The following PZP variants were observed in gnomAD, a reference collection of about 807,000 sequenced individuals.
PZP encodes the protein pregnancy zone protein.
PZP carries 150 observed loss-of-function variants against 179.8 expected under a neutral mutation model. That is an observed-to-expected ratio of 0.83 (90% CI 0.73 to 0.96). The LOEUF (loss-of-function observed/expected upper bound fraction) is 0.96. Among genes scored for constraint, PZP ranks in the 40% least tolerant of loss-of-function variants. PZP has a pLI of 0.00. For missense variants in PZP, 1,689 were observed against 1,764.0 expected, an observed-to-expected ratio of 0.96 and a Z score of 0.76; for synonymous variants, 624 against 652.3, an observed-to-expected ratio of 0.96 and a Z score of 0.66.
chr12:9,205,493 C>T (rs1354362042), intron 1 of PZP, among the ~76,000 whole-genome samples: 12 of 152,148 alleles, frequency 7.9e-5, no homozygotes, highest in Admixed American at 7.9e-4. Flanking sequence ...TTCATGGAAG[C>T]TAAAACATGA....
intron 13 of PZP, among the ~76,000 whole-genome samples, chr12:9,184,533 TGCTAGCACCCTGCCACA>T (rs745851159): frequency 5.9e-5 from 9 of 152,226 alleles, no homozygotes; most frequent in Non-Finnish European, 8.8e-5. Flanking sequence ...ACCTGGCACC[TGCTAGCACCCTGCCACA>T]GCTGATGAGC....
chr12:9,204,190 A>G (rs1944334020), intron 1 of PZP, among the ~76,000 whole-genome samples: 1 of 152,176 alleles, frequency 6.6e-6, no homozygotes, highest in African/African-American at 2.4e-5. Context: ...GCTTTCCAAG[A>G]TGTTACAATT....
chr12:9,153,883 A>T (rs1206920900), intron 29 of PZP, among the ~76,000 whole-genome samples: 1 of 152,234 alleles, frequency 6.6e-6, no homozygotes, highest in East Asian at 1.9e-4. Flanking sequence ...GTTTAATACA[A>T]TCATTTATAC....
At chr12:9,145,825 G>T (rs1023471201), downstream of PZP, among the ~76,000 whole-genome samples, 10 of 152,046 alleles carry the variant, frequency 6.6e-5, no homozygotes, top group African/African-American at 2.4e-4. Context: ...AGTATTCTTG[G>T]TTAGCAGGTT....
At chr12:9,169,370 A>G in intron 16 of PZP, 60 bp downstream of exon 16, 1 of 1,409,832 alleles carries the variant, frequency 7.1e-7, no homozygotes, top group East Asian at 2.3e-5. Context: ...ATAGATACAG[A>G]GTTTTATTAA....
At position 9,168,948 on chromosome 12, in the gene PZP, G is replaced by C; in HGVS notation, c.2028C>G (p.Asn676Lys). The change falls in exon 17 of 36, where the codon AAC becomes AAG. Residue 676 changes from asparagine (N) to lysine (K), a missense_variant. By Grantham distance (94) the Asn-to-Lys change is moderately conservative. This residue lies in a region of PZP where 201 missense variants were observed against 284.2 expected (regional missense o/e 0.71). Transcript: ENST00000261336. ...LKGMGLKVFT[N>K]SKIRKPKSCS... ...ACGACTTTGGTTTTCGGATTTTTGA[G>C]TTAGTGAACACCTTCAATCCCATCC... 6.2e-7 allele frequency: 1 copy of C among 1,613,850 alleles called. No homozygotes were observed. The highest frequency in any genetic ancestry group is 8.5e-7 in the Non-Finnish European group (1 of 1,179,784).
intron 10 of PZP, among the ~76,000 whole-genome samples, chr12:9,194,690 G>T (rs868853951): frequency 9.9e-5 from 15 of 151,852 alleles, no homozygotes; most frequent in African/African-American, 2.4e-4. Flanking sequence ...GGTCTCGATC[G>T]CCTGACCTCG....
intron 13 of PZP, among the ~76,000 whole-genome samples, chr12:9,184,773 G>A (rs1056619402): frequency 6.6e-6 from 1 of 152,180 alleles, no homozygotes; most frequent in Non-Finnish European, 1.5e-5. Context: ...GTTCCCCAGA[G>A]TTACAGCATG....
chr12:9,160,172 C>G, intron 24 of PZP, 142 bp downstream of exon 24: 2 of 1,104,600 alleles, frequency 1.8e-6, no homozygotes, highest in Non-Finnish European at 2.6e-6. Flanking sequence ...ATAGATCAAA[C>G]ACAACATCCT....
chr12:9,190,616 C>T (rs992920798), intron 13 of PZP, among the ~76,000 whole-genome samples: 3 of 151,892 alleles, frequency 2.0e-5, no homozygotes, highest in East Asian at 1.9e-4. Flanking sequence ...ACCTGGGTAA[C>T]GAAATAATCT....
In PZP at chr12:9,202,364, G is replaced by A. The variant is rs769644473; in HGVS notation, c.435C>T (p.Phe145=). ...AATTTTCATCCACGGAGACAACACG[G>A]AATCTTACTGGAAAAGTAGTTCTCC... ...PMYKPGQTVR[F]RVVSVDENFR... is the part of the protein sequence containing the mutation. The change falls in exon 4 of 36, where the codon TTC becomes TTT. Residue 145 remains phenylalanine, a synonymous_variant. Coordinates refer to ENST00000261336, the MANE Select transcript of PZP (RefSeq NM_002864.3). 5 of 1,614,104 alleles carry A rather than the reference G, an allele frequency of 3.1e-6. No individual in the cohort carries two copies. The South Asian group carries it at 4.4e-5, about 14-fold the overall frequency.
At chr12:9,149,108 A>G (rs1458694753) in intron 35 of PZP, 114 bp from the exon 36 acceptor site, 7 of 906,000 alleles carry the variant, frequency 7.7e-6, no homozygotes, top group Non-Finnish European at 1.3e-5. Context: ...GAAAGGCCAG[A>G]TGGTAATTAT....
In PZP at chr12:9,169,492, G is replaced by A. The variant is rs749505038; in HGVS notation, c.1939C>T (p.His647Tyr). Residue 647 changes from histidine to tyrosine, a missense_variant, in exon 16 of 36, where the codon CAT becomes TAT. Transcript: ENST00000261336. ...AAGGGAACATAGATGGCTCCATTAT[G>A]AATGAAGAAAGGACGGGGACAGTGT... ...QGHCPRPFFIHNGAIYVPLSS... is the reference protein window; with the variant it reads ...QGHCPRPFFIYNGAIYVPLSS... The A allele has an allele frequency of 2.5e-6, 4 of 1,612,582 alleles. No homozygotes were observed. The highest frequency in any genetic ancestry group is 3.4e-6 in the Non-Finnish European group (4 of 1,178,928).
In PZP at chr12:9,181,972, C is replaced by T. The variant is rs369516271; in HGVS notation, c.1689+3G>A. ...TCTTTTAATTTTATGTTAAATCGCT[C>T]ACCTTGTTGGCTAGACAGTTTTCAA... On this transcript the variant is annotated splice_donor_region_variant and intron_variant, in intron 14 of 35. Coordinates refer to ENST00000261336, the MANE Select transcript of PZP (RefSeq NM_002864.3). 6.2e-6 allele frequency: 10 copies of T among 1,612,142 alleles called. No individual in the cohort carries two copies. The highest frequency in any genetic ancestry group is 5.3e-5 in the African/African-American group (4 of 74,778).
rs1276302972 is a variant in PZP, at chr12:9,200,462, T to C, written c.671-14A>G. ...ACTTGGGAAGCACTGTTAATAGAGA[T>C]AATAGGAATAAGGAAGGTTGGTAAA... On this transcript the variant is annotated splice_polypyrimidine_tract_variant and intron_variant, in intron 6 of 35. Coordinates refer to ENST00000261336, the MANE Select transcript of PZP (RefSeq NM_002864.3). 3 of 1,562,086 alleles carry C rather than the reference T, an allele frequency of 1.9e-6. No individual in the cohort carries two copies. The African/African-American group carries it at 4.1e-5, about 21-fold the overall frequency.
In PZP at chr12:9,181,997, A is replaced by G. The variant is rs1942792360; in HGVS notation, c.1667T>C (p.Ile556Thr). 4 of 1,613,668 alleles carry G rather than the reference A, an allele frequency of 2.5e-6. No homozygotes were observed. In the East Asian group the frequency reaches 8.9e-5, roughly 36 times the overall value. ...CACCTTGTTGGCTAGACAGTTTTCA[A>G]TCTCAAATTTTTCAGAGTCTCCAAC... ...EVVGDSEKFE[I>T]ENCLANKVDL... is the part of the protein sequence containing the mutation. The change falls in exon 14 of 36, where the codon ATT (isoleucine) becomes ACT (threonine). Residue 556 changes from isoleucine (I) to threonine (T), a missense_variant. By Grantham distance (89) the Ile-to-Thr change is moderately conservative. Coordinates refer to ENST00000261336, the MANE Select transcript of PZP (RefSeq NM_002864.3).
intron 7 of PZP, among the ~76,000 whole-genome samples, chr12:9,197,604 TA>T (rs1272518456): frequency 9.8e-6 from 1 of 102,140 alleles, no homozygotes; most frequent in Admixed American, 1.6e-4. Flanking sequence ...ATAAATATAA[TA>T]TATATTATAT....
intron 5 of PZP, 43 bp from the exon 6 acceptor site, chr12:9,201,103 A>G (rs767925062): frequency 8.1e-6 from 13 of 1,605,950 alleles, no homozygotes; most frequent in Non-Finnish European, 1.1e-5. Context: ...ATTTAGTCAC[A>G]ATAGTCCTTG....
At chr12:9,200,287 T>A in intron 7 of PZP, 77 bp downstream of exon 7, 1 of 975,780 alleles carries the variant, frequency 1.0e-6, no homozygotes, top group Non-Finnish European at 1.5e-6. Flanking sequence ...GCAAAGTAAA[T>A]TTATAATTTT....
Sources: gnomAD v4.1 joint callset for allele counts (sites outside exome capture counted in the v4.1 genomes callset) on GRCh38, gnomAD v4.1.1 for gene constraint, gnomAD v4.1.1 regional missense constraint, MANE v1.5 for transcripts, NCBI Gene and HGNC (gene_info 2026-07-23, HGNC 2026-07-21) for gene names.